The following SPAM1 variants were observed in gnomAD, a reference collection of about 807,000 sequenced individuals.
SPAM1 encodes the protein sperm adhesion molecule 1.
SPAM1 carries 22 observed loss-of-function variants against 29.6 expected under a neutral mutation model. The ratio of observed to expected loss-of-function variants is 0.74; its 90% CI spans 0.53 to 1.06. The LOEUF (loss-of-function observed/expected upper bound fraction) is 1.06. SPAM1 is among the 50% of genes least tolerant of loss of function. The pLI, the probability that SPAM1 is intolerant of heterozygous loss-of-function variation, is 0.00. For missense variants in SPAM1, 534 were observed against 604.0 expected (o/e 0.88, Z 1.21); for synonymous variants, 194 against 204.6 (o/e 0.95, Z 0.44).
intron 1 of SPAM1, among the ~76,000 whole-genome samples, chr7:123,946,288 G>T (rs1241889399): frequency 6.6e-6 from 1 of 152,110 alleles, no homozygotes; most frequent in Non-Finnish European, 1.5e-5. Context: ...CAAATTTTGG[G>T]TGATTGGGGA....
Position 123,955,097 on chromosome 7 carries a change from T to C in SPAM1, c.1044+11T>C, listed in dbSNP as rs1792220920. ...ATAATGCGAAGTATGGTAAGTTGAATTGGTAGAAAATAGGTGAAAATATTT... is the reference window on the plus strand; with the variant it reads ...ATAATGCGAAGTATGGTAAGTTGAACTGGTAGAAAATAGGTGAAAATATTT... On this transcript the variant is annotated intron_variant, in intron 4 of 4. Coordinates refer to ENST00000682466, the MANE Select transcript of SPAM1 (RefSeq NM_153189.3). 6 of 1,550,842 alleles carry C rather than the reference T, an allele frequency of 3.9e-6. No individual in the cohort carries two copies. Among genetic ancestry groups the C allele is most frequent in the Non-Finnish European group, 5.3e-6 (6 of 1,123,916 alleles).
intron 1 of SPAM1, among the ~76,000 whole-genome samples, chr7:123,940,075 C>T (rs1237617746): frequency 6.6e-6 from 1 of 152,052 alleles, no homozygotes; most frequent in East Asian, 1.9e-4. Context: ...TCTGTTTTCA[C>T]TGCTGTAATT....
rs187233425 is a variant in SPAM1, at chr7:123,970,304, T to C, written c.*48+8T>C. Reference sequence around the variant, plus strand: ...TCTTCCCTTGGCTTACAGGTGACTATCTTCTCCTTGTGTCTTCCATATGTT... The same window carrying C: ...TCTTCCCTTGGCTTACAGGTGACTACCTTCTCCTTGTGTCTTCCATATGTT... On this transcript the variant is annotated splice_region_variant and intron_variant, in intron 6 of 6. Coordinates refer to the SPAM1 transcript ENST00000340011. The C allele has an allele frequency of 8.0e-5, 122 of 1,531,512 alleles. 1 individual carries two copies. The highest frequency in any genetic ancestry group is 2.8e-5 in the Non-Finnish European group (32 of 1,132,900). 94.9% of individuals were successfully genotyped at this position (1,531,512 alleles called of 1,614,324 possible).
chr7:123,947,892 G>C (rs1808635999), intron 1 of SPAM1: 1 of 152,130 alleles, frequency 6.6e-6, no homozygotes, highest in South Asian at 2.1e-4. Flanking sequence ...ATTTTGAGCA[G>C]TTTCTTCAGC....
intron 1 of SPAM1, among the ~76,000 whole-genome samples, chr7:123,934,131 G>A (rs1419844669): frequency 1.3e-5 from 2 of 152,062 alleles, no homozygotes; most frequent in Admixed American, 6.5e-5. Flanking sequence ...ATATCATCTA[G>A]GTTTGTATAA....
chr7:123,944,893 G>A (rs1441117360), intron 1 of SPAM1, among the ~76,000 whole-genome samples: 1 of 152,078 alleles, frequency 6.6e-6, no homozygotes, highest in African/African-American at 2.4e-5. Context: ...TTTATTAAGA[G>A]TAAAGCAATA....
At chr7:123,964,576 A>G (rs543770795), downstream of SPAM1, among the ~76,000 whole-genome samples, 2 of 151,958 alleles carry the variant, frequency 1.3e-5, no homozygotes, top group Non-Finnish European at 2.9e-5. Context: ...TTAGGCTGGG[A>G]TGCACTAGCA....
rs150555112 is a variant in SPAM1, at chr7:123,959,647, A to T, written c.1208A>T (p.Asp403Val). The T allele has an allele frequency of 5.6e-6, 9 of 1,613,340 alleles. No individual in the cohort carries two copies. The African/African-American group carries it at 9.3e-5, about 17-fold the overall frequency. The change falls in exon 5 of 5, where the codon GAT becomes GTT. Residue 403 changes from aspartate to valine, a missense_variant. Physicochemically the swap from Asp to Val is radical, Grantham distance 152 (BLOSUM62 -3). Coordinates refer to ENST00000682466, the MANE Select transcript of SPAM1 (RefSeq NM_153189.3). ...AGTGACTATCTTCACCTCAACCCAG[A>T]TAATTTTGCTATTCAACTTGAGAAA... Reference protein sequence around the residue: ...NSSDYLHLNPDNFAIQLEKGG... With the variant: ...NSSDYLHLNPVNFAIQLEKGG...
At chr7:123,960,122 A>C, downstream of SPAM1, 4 of 1,066,444 alleles carry the variant, frequency 3.8e-6, no homozygotes, top group Non-Finnish European at 3.9e-6. Context: ...TTTTCTTTGA[A>C]CTTGACAAAC....
chr7:123,970,023 A>G (rs12706565), intron 5 of SPAM1, among the ~76,000 whole-genome samples: 30,507 of 151,824 alleles, frequency 0.2, 4,003 homozygotes, highest in African/African-American at 0.38. Context: ...ATCTTCTTCT[A>G]TGCCCCAGCT....
chr7:123,954,057 G>A lies in SPAM1; in HGVS notation c.487G>A (p.Val163Ile), dbSNP rs377030609. The A allele has an allele frequency of 2.0e-5, 32 of 1,613,400 alleles. No individual in the cohort carries two copies. Among genetic ancestry groups the A allele is most frequent in the Non-Finnish European group, 2.7e-5 (32 of 1,179,756 alleles). ...GGCAAGAAACTGGAAACCTAAAGAT[G>A]TTTACAAGAATAGGTCTATTGAATT... ...TWARNWKPKD[V>I]YKNRSIELVQ... The change falls in exon 3 of 5, where the codon GTT becomes ATT. Residue 163 changes from valine (V) to isoleucine (I), a missense_variant. Val to Ile is a conservative substitution (Grantham distance 29). Transcript: ENST00000682466.
intron 1 of SPAM1, among the ~76,000 whole-genome samples, chr7:123,937,337 C>T (rs1584949414): frequency 6.6e-6 from 1 of 152,130 alleles, no homozygotes; most frequent in South Asian, 2.1e-4. Context: ...CGCGGTGGCT[C>T]ACGCCTGTAA....
intron 2 of SPAM1, among the ~76,000 whole-genome samples, chr7:123,952,971 G>A (rs2117058042): frequency 6.6e-6 from 1 of 151,894 alleles, no homozygotes; most frequent in East Asian, 1.9e-4. Context: ...ATGAAAGGTT[G>A]TTTTAGTATA....
chr7:123,961,296 T>G (rs564648064), downstream of SPAM1, among the ~76,000 whole-genome samples: 8 of 151,910 alleles, frequency 5.3e-5, no homozygotes, highest in Admixed American at 1.3e-4. Context: ...GTACCCATTA[T>G]CTGGCCTCTC....
chr7:123,940,392 C>G (rs1808394323), intron 1 of SPAM1, among the ~76,000 whole-genome samples: 1 of 151,800 alleles, frequency 6.6e-6, no homozygotes, highest in South Asian at 2.1e-4. Context: ...AAATGTTATT[C>G]ACATTTTTTT....
chr7:123,926,529 A>G lies in SPAM1; in HGVS notation c.-319+1177A>G, dbSNP rs909538251. Reference sequence around the variant, plus strand: ...ATTTGAAGAGAATTATTCTGAGCCAAATATGAGTGATTATGGCCCCGTGAC... The same window carrying G: ...ATTTGAAGAGAATTATTCTGAGCCAGATATGAGTGATTATGGCCCCGTGAC... On this transcript the variant is annotated intron_variant, in intron 1 of 4. Coordinates refer to ENST00000682466, the MANE Select transcript of SPAM1 (RefSeq NM_153189.3). Among the ~76,000 whole-genome samples, 3 of 152,232 alleles carry G rather than the reference A, an allele frequency of 2.0e-5. No individual in the cohort carries two copies. The South Asian group carries it at 6.2e-4, about 31-fold the overall frequency.
At chr7:123,925,577 G>T (rs1437262997) in intron 1 of SPAM1, 2 of 152,068 alleles carry the variant, frequency 1.3e-5, no homozygotes, top group African/African-American at 4.8e-5. Context: ...TCCTTGGTCT[G>T]ATTCAATCTA....
chr7:123,965,234 A>G (rs1473328171), intron 5 of SPAM1, among the ~76,000 whole-genome samples: 2 of 151,956 alleles, frequency 1.3e-5, no homozygotes, highest in African/African-American at 4.8e-5. Context: ...AAGTCAAGTA[A>G]CATTATAACA....
At chr7:123,937,009 T>C (rs550933590) in intron 1 of SPAM1, among the ~76,000 whole-genome samples, 4 of 152,344 alleles carry the variant, frequency 2.6e-5, no homozygotes, top group Admixed American at 2.0e-4. Flanking sequence ...ACTTAGATTA[T>C]TGTTATTACC....
Sources: allele counts gnomAD v4.1 joint callset (sites outside exome capture counted in the v4.1 genomes callset), GRCh38; gene constraint gnomAD v4.1.1; transcripts MANE v1.5; gene names NCBI Gene and HGNC (gene_info 2026-07-23, HGNC 2026-07-21).